ZNF654: variants seen among roughly 807,000 people sequenced by gnomAD.
The protein encoded by ZNF654 is zinc finger protein 654.
In ZNF654, 19 loss-of-function variants were observed where a neutral mutation model predicts 95.3. That is an observed-to-expected ratio of 0.20 (90% CI 0.14 to 0.29). ZNF654 has a LOEUF of 0.29. ZNF654 is among the 10% of genes least tolerant of loss of function. The probability of loss-of-function intolerance (pLI) is 1.00; values close to 1 mark genes in which losing one functional copy is unlikely to be tolerated. For synonymous variants in ZNF654, 413 were observed against 457.9 expected (o/e 0.90, Z 1.25); for missense variants, 1,046 against 1,341.0 (o/e 0.78, Z 3.44).
chr3:88,131,435 GCTATATCACACTATTTAAA>G (rs1706457687), intron 6 of ZNF654, among the ~76,000 whole-genome samples: 1 of 152,126 alleles, frequency 6.6e-6, no homozygotes. Flanking sequence ...TCTGCCCTGA[GCTATATCACACTATTTAAA>G]CAGGGTATCT....
At chr3:88,073,887 T>A (rs1465085139) in intron 1 of ZNF654, among the ~76,000 whole-genome samples, 3 of 152,224 alleles carry the variant, frequency 2.0e-5, no homozygotes, top group Admixed American at 2.0e-4. Flanking sequence ...ATAAAACTCA[T>A]AATTTATTTT....
intron 1 of ZNF654, among the ~76,000 whole-genome samples, chr3:88,064,207 A>C (rs1420308447): frequency 6.6e-6 from 1 of 151,216 alleles, no homozygotes; most frequent in Admixed American, 6.6e-5. Flanking sequence ...ATCACTGGCA[A>C]CTCTTTCAGT....
intron 1 of ZNF654, among the ~76,000 whole-genome samples, chr3:88,075,510 T>C (rs557321409): frequency 2.0e-5 from 3 of 152,368 alleles, no homozygotes; most frequent in African/African-American, 7.2e-5. Flanking sequence ...TTCTGAAGTC[T>C]GTGCTTTTAG....
chr3:88,110,272 G>A (rs1705008295), intron 2 of ZNF654, among the ~76,000 whole-genome samples: 1 of 152,074 alleles, frequency 6.6e-6, no homozygotes, highest in South Asian at 2.1e-4. Flanking sequence ...AACCCAAACA[G>A]CTAGACCATG....
intron 3 of ZNF654, among the ~76,000 whole-genome samples, chr3:88,123,236 C>T (rs1705888760): frequency 6.6e-6 from 1 of 151,986 alleles, no homozygotes; most frequent in Non-Finnish European, 1.5e-5. Context: ...TTTAAATAGA[C>T]CAAAATGAAA....
chr3:88,115,987 C>G (rs1469512887), intron 3 of ZNF654, among the ~76,000 whole-genome samples: 1 of 152,068 alleles, frequency 6.6e-6, no homozygotes, highest in Non-Finnish European at 1.5e-5. Context: ...TGCGATGAAA[C>G]AGGGAAATGT....
intron 2 of ZNF654, among the ~76,000 whole-genome samples, chr3:88,112,482 A>C (rs1482716823): frequency 6.6e-6 from 1 of 151,092 alleles, no homozygotes; most frequent in Non-Finnish European, 1.5e-5. Context: ...AGAGCACATA[A>C]AGTATTTAGT....
chr3:88,100,976 A>G (rs538272728), intron 2 of ZNF654, among the ~76,000 whole-genome samples: 1 of 152,330 alleles, frequency 6.6e-6, no homozygotes, highest in East Asian at 1.9e-4. Context: ...AAACTTTATT[A>G]TGACAATTTT....
intron 1 of ZNF654, among the ~76,000 whole-genome samples, chr3:88,071,829 G>A (rs747836300): frequency 8.6e-5 from 13 of 152,040 alleles, no homozygotes; most frequent in African/African-American, 1.4e-4. Context: ...AAACACTTCC[G>A]TATCAAACTT....
intron 1 of ZNF654, among the ~76,000 whole-genome samples, chr3:88,066,981 T>G (rs1223614748): frequency 1.3e-5 from 2 of 149,638 alleles, no homozygotes; most frequent in East Asian, 3.9e-4. Context: ...TGGGAGGAGG[T>G]TGAATTGTAT....
intron 1 of ZNF654, among the ~76,000 whole-genome samples, chr3:88,080,813 G>C (rs1368861657): frequency 6.6e-6 from 1 of 152,202 alleles, no homozygotes; most frequent in Non-Finnish European, 1.5e-5. Context: ...GGTTGGAACA[G>C]ACAGATTTGT....
At chr3:88,096,242 C>G (rs962315227) in intron 2 of ZNF654, among the ~76,000 whole-genome samples, 4 of 151,692 alleles carry the variant, frequency 2.6e-5, no homozygotes, top group African/African-American at 9.7e-5. Context: ...AGATGGTGAA[C>G]CTGAACATTG....
intron 3 of ZNF654, among the ~76,000 whole-genome samples, chr3:88,120,356 T>G (rs1705692330): frequency 6.6e-6 from 1 of 152,202 alleles, no homozygotes; most frequent in African/African-American, 2.4e-5. Context: ...AATGTTTTAT[T>G]TATACTGCTA....
chr3:88,119,027 A>G (rs1400128697), intron 3 of ZNF654, among the ~76,000 whole-genome samples: 2 of 149,594 alleles, frequency 1.3e-5, no homozygotes, highest in East Asian at 2.0e-4. Context: ...CAGCCATCCC[A>G]TTACTGGGTA....
intron 1 of ZNF654, among the ~76,000 whole-genome samples, chr3:88,075,025 A>G (rs1404403328): frequency 6.6e-6 from 1 of 152,224 alleles, no homozygotes; most frequent in East Asian, 1.9e-4. Flanking sequence ...TCCTGAAAGT[A>G]GTATCCTAAT....
intron 3 of ZNF654, among the ~76,000 whole-genome samples, chr3:88,117,109 A>G (rs1705461713): frequency 6.6e-6 from 1 of 152,230 alleles, no homozygotes; most frequent in African/African-American, 2.4e-5. Flanking sequence ...GAGGTAAAAT[A>G]TTATATAGAG....
chr3:88,130,050 T>C (rs1706355630), intron 6 of ZNF654, among the ~76,000 whole-genome samples: 1 of 152,220 alleles, frequency 6.6e-6, no homozygotes, highest in Non-Finnish European at 1.5e-5. Context: ...TGTGCTATAA[T>C]GAAACAGTGG....
chr3:88,095,611 C>G (rs758534362), intron 2 of ZNF654: 4 of 519,520 alleles, frequency 7.7e-6, no homozygotes, highest in Non-Finnish European at 1.6e-5. Flanking sequence ...ATGATCTTTT[C>G]TGGTTCTAGT....
intron 4 of ZNF654, 38 bp from the exon 5 acceptor site, chr3:88,128,771 T>C: frequency 7.2e-7 from 1 of 1,394,584 alleles, no homozygotes. Context: ...GAGAATCTTT[T>C]CTTGAGAGTA....
Sources: allele counts gnomAD v4.1 joint callset (sites outside exome capture counted in the v4.1 genomes callset), GRCh38; gene constraint gnomAD v4.1.1; transcripts MANE v1.5; gene names NCBI Gene and HGNC (gene_info 2026-07-23, HGNC 2026-07-21).